Variants in SORCS2 observed in about 807,000 individuals in gnomAD.
SORCS2 encodes VPS10 domain-containing receptor SorCS2.
Under a neutral mutation model 141.6 loss-of-function variants are expected in SORCS2, and 100 were observed. The observed-to-expected ratio is 0.71, with a 90% confidence interval of 0.60 to 0.83. The LOEUF (loss-of-function observed/expected upper bound fraction) is 0.83, where lower values mean the gene tolerates loss of function less well. SORCS2 is among the 40% of genes least tolerant of loss of function. SORCS2 has a pLI of 0.00. For synonymous variants in SORCS2, 789 were observed against 676.9 expected (o/e 1.17, Z -2.57); for missense variants, 1,646 against 1,560.2 (o/e 1.05, Z -0.93).
chr4:7,678,427 A>G (rs1184548086), intron 9 of SORCS2, among the ~76,000 whole-genome samples: 2 of 148,772 alleles, frequency 1.3e-5, no homozygotes, highest in Non-Finnish European at 3.0e-5. Flanking sequence ...TTACAAGCAC[A>G]ACTCTGGAGC....
intron 1 of SORCS2, among the ~76,000 whole-genome samples, chr4:7,257,872 T>C (rs1385312324): frequency 6.6e-6 from 1 of 152,160 alleles, no homozygotes; most frequent in African/African-American, 2.4e-5. Flanking sequence ...CGACAGGAGA[T>C]GGGAGGAAGG....
chr4:7,483,945 A>G (rs1020825461), intron 2 of SORCS2, among the ~76,000 whole-genome samples: 4 of 152,220 alleles, frequency 2.6e-5, no homozygotes, highest in African/African-American at 9.7e-5. Flanking sequence ...AACAAAAACA[A>G]AAACGAGTCT....
At chr4:7,410,685 C>T (rs1215882578) in intron 2 of SORCS2, among the ~76,000 whole-genome samples, 1 of 152,146 alleles carries the variant, frequency 6.6e-6, no homozygotes, top group Non-Finnish European at 1.5e-5. Flanking sequence ...TTAACATCAC[C>T]ATGGAGATCT....
intron 11 of SORCS2, among the ~76,000 whole-genome samples, chr4:7,692,466 A>C (rs1282279658): frequency 6.6e-6 from 1 of 152,206 alleles, no homozygotes; most frequent in Admixed American, 6.5e-5. Flanking sequence ...CTCCACTGTA[A>C]GGATGAGACA....
In SORCS2 at chr4:7,648,518, T is replaced by C. The variant is rs1721229370; in HGVS notation, c.814-5616T>C. Among the ~76,000 whole-genome samples the C allele has an allele frequency of 6.6e-6, 1 of 152,082 alleles. No homozygotes were observed. The highest frequency in any genetic ancestry group is 1.5e-5 in the Non-Finnish European group (1 of 68,004). ...AGAGGGCCTTCTAGGTTTCAGGAGC[T>C]GGGGCAACTGCTGGGAACAAAACAG... On this transcript the variant is annotated intron_variant, in intron 4 of 26. Coordinates refer to ENST00000507866, the MANE Select transcript of SORCS2 (RefSeq NM_020777.3). This position sits in a 1 kb window ranked among gnomAD's most constrained non-coding sequence, Gnocchi z 4.2.
intron 1 of SORCS2, among the ~76,000 whole-genome samples, chr4:7,238,557 G>A (rs955936239): frequency 6.6e-6 from 1 of 152,174 alleles, no homozygotes; most frequent in Admixed American, 6.5e-5. Flanking sequence ...GTGTGCGTGT[G>A]CTCACGTGTG....
chr4:7,552,467 C>G (rs1011573569), intron 3 of SORCS2, among the ~76,000 whole-genome samples: 2 of 152,180 alleles, frequency 1.3e-5, no homozygotes, highest in Non-Finnish European at 2.9e-5. Context: ...CAAAAAAGCA[C>G]TGGCCCCAGT....
intron 1 of SORCS2, among the ~76,000 whole-genome samples, chr4:7,323,455 G>A (rs1412844252): frequency 6.6e-6 from 1 of 152,136 alleles, no homozygotes; most frequent in African/African-American, 2.4e-5. Flanking sequence ...GGAACCAAGA[G>A]GTAGACCTTG....
chr4:7,381,505 G>A (rs1227572406), intron 1 of SORCS2, among the ~76,000 whole-genome samples: 2 of 152,220 alleles, frequency 1.3e-5, no homozygotes, highest in African/African-American at 2.4e-5. Flanking sequence ...TTTCCCAAAG[G>A]CTCTTCCTCC....
rs368731716 is a variant in SORCS2 at position 7,725,254 on chromosome 4, C to A, written c.2712C>A (p.Thr904=). The A allele has an allele frequency of 3.1e-6, 5 of 1,613,452 alleles. No homozygotes were observed. In the South Asian group the frequency reaches 4.4e-5, roughly 14 times the overall value. ...TGCTTCCCTTGAACCCTAACCTCACCGTCTTCTACTGGTGGATCGGCCACA... is the reference window on the plus strand; with the variant it reads ...TGCTTCCCTTGAACCCTAACCTCACAGTCTTCTACTGGTGGATCGGCCACA... ...AVLLPLNPNL[T]VFYWWIGHSL... The change falls in exon 20 of 27, where the codon ACC becomes ACA. Residue 904 remains threonine (T), a synonymous_variant. Coordinates refer to ENST00000507866, the MANE Select transcript of SORCS2 (RefSeq NM_020777.3).
rs758376661 is a variant in SORCS2 at position 7,723,867 on chromosome 4, C to T, written c.2595C>T (p.Leu865=). ...CGGCAGGCCACGATGAGGCGGTGCT[C>T]TTTGTCCAGGTCAACTGTAAGTTTA... ...ENTAGHDEAV[L]FVQVNSPLQA... The change falls in exon 19 of 27, where the codon CTC becomes CTT. Residue 865 remains leucine (L), a synonymous_variant. Coordinates refer to ENST00000507866, the MANE Select transcript of SORCS2 (RefSeq NM_020777.3). The T allele has an allele frequency of 1.2e-6, 2 of 1,607,076 alleles. No individual in the cohort carries two copies. Among genetic ancestry groups the T allele is most frequent in the Admixed American group, 1.7e-5 (1 of 59,624 alleles).
In SORCS2 at chr4:7,206,536, C is replaced by T. The variant is rs527491232; in HGVS notation, c.480+13410C>T. Among the ~76,000 whole-genome samples, 164 of 152,250 alleles carry T rather than the reference C, an allele frequency of 1.1e-3. 2 individuals are homozygous for T. Among genetic ancestry groups the T allele is most frequent in the African/African-American group, 3.8e-3 (158 of 41,536 alleles). On this transcript the variant is annotated intron_variant, in intron 1 of 26. Coordinates refer to ENST00000507866, the MANE Select transcript of SORCS2 (RefSeq NM_020777.3). ...TTAACGCACTAATTAATCTCCACCC[C>T]GTGGGGTGGGGATTATGGCACATAT...
chr4:7,615,050 T>A (rs1718667413), intron 3 of SORCS2, among the ~76,000 whole-genome samples: 2 of 151,852 alleles, frequency 1.3e-5, no homozygotes, highest in African/African-American at 4.8e-5. Flanking sequence ...TCCATCCACC[T>A]ATTCACCCAT....
intron 2 of SORCS2, among the ~76,000 whole-genome samples, chr4:7,523,500 G>T: frequency 6.6e-6 from 1 of 152,096 alleles, no homozygotes; most frequent in Admixed American, 6.6e-5. Context: ...TTCAGGAGGG[G>T]GTAGTACTGG....
intron 20 of SORCS2, among the ~76,000 whole-genome samples, chr4:7,726,325 C>G (rs144103963): frequency 6.6e-6 from 1 of 152,212 alleles, no homozygotes. Flanking sequence ...ACCTCAAGTT[C>G]GTGCTGTGTT....
intron 5 of SORCS2, among the ~76,000 whole-genome samples, chr4:7,654,949 G>A (rs1170195763): frequency 6.6e-6 from 1 of 152,276 alleles, no homozygotes; most frequent in Non-Finnish European, 1.5e-5. Context: ...GAGCACCCCA[G>A]CCTCACTGCA....
chr4:7,320,954 CA>C, intron 1 of SORCS2, among the ~76,000 whole-genome samples: 1 of 126,150 alleles, frequency 7.9e-6, no homozygotes, highest in Non-Finnish European at 1.6e-5. Context: ...TATAAAATTT[CA>C]ATAGCTTTTG....
At chr4:7,561,342 G>A (rs1244067034) in intron 3 of SORCS2, among the ~76,000 whole-genome samples, 1 of 150,052 alleles carries the variant, frequency 6.7e-6, no homozygotes, top group African/African-American at 2.5e-5. Flanking sequence ...GGAGCGGCTG[G>A]AAGTCCAGAC....
chr4:7,208,458 A>G (rs1727871696), intron 1 of SORCS2, among the ~76,000 whole-genome samples: 1 of 151,882 alleles, frequency 6.6e-6, no homozygotes, highest in African/African-American at 2.4e-5. Flanking sequence ...CTGCAGACAC[A>G]TTTTCTAAGA....
Sources: allele counts gnomAD v4.1 joint callset (sites outside exome capture counted in the v4.1 genomes callset), GRCh38; gene constraint gnomAD v4.1.1; non-coding constraint Gnocchi (gnomAD v3.1); transcripts MANE v1.5; gene names NCBI Gene and HGNC (gene_info 2026-07-23, HGNC 2026-07-21).